Variants in ZC4H2 observed in about 807,000 individuals in gnomAD.
ZC4H2 encodes the protein zinc finger C4H2 domain-containing protein.
For synonymous variants in ZC4H2, 84 were observed against 66.3 expected, an observed-to-expected ratio of 1.27 and a Z score of -1.30; for missense variants, 137 against 173.9, an observed-to-expected ratio of 0.79 and a Z score of 1.19.
intron 1 of ZC4H2, among the ~76,000 whole-genome samples, chrX:64,953,237 A>C (rs1348748949): frequency 8.9e-6 from 1 of 112,003 alleles, no homozygotes; most frequent in African/African-American, 3.2e-5. Flanking sequence ...AACCTAGGCA[A>C]TACCATTCAG....
intron 1 of ZC4H2, among the ~76,000 whole-genome samples, chrX:64,992,313 G>A (rs1045348191): frequency 4.5e-5 from 5 of 111,151 alleles, no homozygotes; most frequent in Admixed American, 9.6e-5. Flanking sequence ...TCCAATCTCC[G>A]ACAGGCTCAG....
chrX:64,961,960 C>T (rs1487417110), intron 1 of ZC4H2, among the ~76,000 whole-genome samples: 2 of 111,516 alleles, frequency 1.8e-5, no homozygotes, highest in Non-Finnish European at 3.8e-5. Flanking sequence ...GACCAGCTGG[C>T]TTCACTGGTG....
intron 1 of ZC4H2, among the ~76,000 whole-genome samples, chrX:64,931,723 T>C (rs1170202675): frequency 8.9e-6 from 1 of 111,961 alleles, no homozygotes; most frequent in Non-Finnish European, 1.9e-5. Context: ...AAATGCTTGA[T>C]ATAATTTTGA....
upstream of ZC4H2, among the ~76,000 whole-genome samples, chrX:64,978,515 A>G (rs1932016497): frequency 8.9e-6 from 1 of 111,887 alleles, no homozygotes; most frequent in African/African-American, 3.3e-5. Context: ...TAAGTGCCTG[A>G]CATGTACTGG....
chrX:65,022,822 C>A (rs1932847306), intron 1 of ZC4H2, among the ~76,000 whole-genome samples: 1 of 112,216 alleles, frequency 8.9e-6, no homozygotes, highest in South Asian at 3.7e-4. Context: ...GAAAAACATT[C>A]TATGCTCATG....
intron 1 of ZC4H2, among the ~76,000 whole-genome samples, chrX:64,989,308 G>A (rs1932261038): frequency 8.9e-6 from 1 of 111,772 alleles, no homozygotes; most frequent in Non-Finnish European, 1.9e-5. Flanking sequence ...ATTACCTTGG[G>A]CAGTATGGCC....
chrX:65,006,764 T>C (rs1932669652), intron 1 of ZC4H2, among the ~76,000 whole-genome samples: 1 of 112,260 alleles, frequency 8.9e-6, no homozygotes, highest in Non-Finnish European at 1.9e-5. Flanking sequence ...GACCTTTGCA[T>C]GTGCAGTTGA....
At chrX:65,017,856 T>C (rs1317562694) in intron 1 of ZC4H2, among the ~76,000 whole-genome samples, 1 of 112,142 alleles carries the variant, frequency 8.9e-6, no homozygotes, top group African/African-American at 3.2e-5. Context: ...ATAACAAGGA[T>C]AGAGGGTGAA....
intron 1 of ZC4H2, among the ~76,000 whole-genome samples, chrX:64,988,566 A>G (rs1401332614): frequency 9.2e-5 from 10 of 109,179 alleles, no homozygotes; most frequent in Non-Finnish European, 1.9e-4. Context: ...TCCTTCGCCC[A>G]CTTTTTGATG....
chrX:64,974,791 TC>T (rs1278673569), intron 1 of ZC4H2, among the ~76,000 whole-genome samples: 1 of 109,287 alleles, frequency 9.2e-6, no homozygotes, highest in Admixed American at 9.7e-5. Context: ...GGGATTAAAG[TC>T]CTTGCTCACA....
intron 1 of ZC4H2, among the ~76,000 whole-genome samples, chrX:64,936,651 G>T (rs1930025245): frequency 1.8e-5 from 2 of 111,205 alleles, no homozygotes; most frequent in Non-Finnish European, 3.8e-5. Context: ...TTTAAACCCA[G>T]AATTTCATAT....
intron 1 of ZC4H2, among the ~76,000 whole-genome samples, chrX:64,975,978 C>T (rs1166600993): frequency 9.0e-6 from 1 of 111,309 alleles, no homozygotes; most frequent in East Asian, 2.8e-4. Context: ...GGAAAAAAAT[C>T]CCGACTCCTA....
intron 1 of ZC4H2, among the ~76,000 whole-genome samples, chrX:64,999,039 G>GTTTTTTGT (rs1932475595): frequency 8.4e-5 from 1 of 11,841 alleles, no homozygotes; most frequent in Non-Finnish European, 1.5e-4. Context: ...TGGATTATGT[G>GTTTTTTGT]TTTTTTTTTT....
intron 1 of ZC4H2, among the ~76,000 whole-genome samples, chrX:65,011,536 T>C (rs1230479660): frequency 9.0e-6 from 1 of 111,073 alleles, no homozygotes; most frequent in Non-Finnish European, 1.9e-5. Flanking sequence ...TTTTTGACAA[T>C]CAGATTATGG....
intron 1 of ZC4H2, among the ~76,000 whole-genome samples, chrX:64,938,641 C>T (rs747586521): frequency 8.9e-6 from 1 of 111,734 alleles, no homozygotes; most frequent in Non-Finnish European, 1.9e-5. Flanking sequence ...ATATGCAAAT[C>T]AATAAATGCA....
At chrX:64,949,362 G>A (rs1004152812) in intron 1 of ZC4H2, among the ~76,000 whole-genome samples, 2 of 111,923 alleles carry the variant, frequency 1.8e-5, no homozygotes, top group African/African-American at 6.5e-5. Context: ...AATTTTTTGA[G>A]TCATCATTTT....
Position 64,916,771 on chromosome X carries a change from A to C in ZC4H2, c.*1012T>G, listed in dbSNP as rs956657601. 2 of 111,772 alleles carry C rather than the reference A, an allele frequency of 1.8e-5. No homozygotes were observed. Among genetic ancestry groups the C allele is most frequent in the African/African-American group, 3.3e-5 (1 of 30,697 alleles). The allele number at this position is 111,772 out of a possible 1,213,427, so 9.2% of individuals were successfully genotyped here. A position where few individuals can be genotyped will look rare whatever the true frequency, so the allele number is the denominator to read the frequency against. The stretch of plus-strand genomic sequence containing the variant: ...CACAGGACAGGAGTGGCCAGCAGCT[A>C]TCCTGAGCTGAGGCTCCAGAAGAGT... On this transcript the variant is annotated 3_prime_UTR_variant, in exon 5 of 5. Coordinates refer to ENST00000374839, the MANE Select transcript of ZC4H2 (RefSeq NM_018684.4).
At chrX:65,002,577 G>A (rs1298582829) in intron 1 of ZC4H2, among the ~76,000 whole-genome samples, 1 of 112,104 alleles carries the variant, frequency 8.9e-6, no homozygotes, top group Non-Finnish European at 1.9e-5. Context: ...AGCTCATTGA[G>A]AACGGGCCAT....
chrX:64,927,279 C>A (rs1929467762), intron 1 of ZC4H2, among the ~76,000 whole-genome samples: 1 of 110,445 alleles, frequency 9.1e-6, no homozygotes, highest in Non-Finnish European at 1.9e-5. Flanking sequence ...GCTATCCCTA[C>A]CCTAGCCCCC....
Sources: allele counts gnomAD v4.1 joint callset (sites outside exome capture counted in the v4.1 genomes callset), GRCh38; gene constraint gnomAD v4.1.1; transcripts MANE v1.5; gene names NCBI Gene and HGNC (gene_info 2026-07-23, HGNC 2026-07-21).